The following LHPP variants were observed in gnomAD, a reference collection of about 807,000 sequenced individuals.
LHPP encodes hLHPP.
In LHPP, 24 loss-of-function variants were observed where a neutral mutation model predicts 30.3. The ratio of observed to expected loss-of-function variants is 0.79; its 90% CI spans 0.57 to 1.11. The LOEUF (loss-of-function observed/expected upper bound fraction) is 1.11, where lower values mean the gene tolerates loss of function less well. Ranked by LOEUF, LHPP falls within the 50% of genes most tolerant of loss-of-function variation. LHPP has a pLI of 0.00. For missense variants in LHPP, 356 were observed against 367.2 expected (o/e 0.97, Z 0.25); for synonymous variants, 150 against 157.1 (o/e 0.95, Z 0.34).
intron 6 of LHPP, among the ~76,000 whole-genome samples, chr10:124,586,211 C>T (rs533192771): frequency 1.1e-4 from 17 of 152,270 alleles, no homozygotes; most frequent in African/African-American, 4.1e-4. Context: ...CCACACCCAC[C>T]CTAGCAGCTG....
chr10:124,526,534 C>G (rs1954742442), intron 6 of LHPP, among the ~76,000 whole-genome samples: 1 of 152,212 alleles, frequency 6.6e-6, no homozygotes. Flanking sequence ...GTTGCTGGAG[C>G]TCTGAGCAGG....
chr10:124,576,159 CT>C lies in LHPP; in HGVS notation c.717-37103del, dbSNP rs1948656909. Among the ~76,000 whole-genome samples, 1 of 152,136 alleles carries C rather than the reference CT, an allele frequency of 6.6e-6. No individual in the cohort carries two copies. On this transcript the variant is annotated intron_variant, in intron 6 of 6. Coordinates refer to ENST00000368842, the MANE Select transcript of LHPP (RefSeq NM_022126.4). This position sits in a 1 kb window ranked among gnomAD's most constrained non-coding sequence, Gnocchi z 4.2. The stretch of plus-strand genomic sequence containing the variant: ...GGGCTTGATCAGCTGCTGAGGGTGA[CT>C]TCACATGAGATTATAATTGTACTGC...
rs1486464717 is a variant in LHPP at position 124,541,240 on chromosome 10, GA to G, written c.716+23970del. On this transcript the variant is annotated intron_variant, in intron 6 of 6. Coordinates refer to ENST00000368842, the MANE Select transcript of LHPP (RefSeq NM_022126.4). The surrounding 1 kb of genome is among the most constrained non-coding windows in gnomAD (Gnocchi z 4.2). ...CTGCCCCTGCACACTGTGCTTGGGG[GA>G]CACAGCCGACACGACCAGCCTGCAG... 6.6e-6 allele frequency among the ~76,000 whole-genome samples: 1 copy of G among 152,202 alleles called. No individual in the cohort carries two copies. Among genetic ancestry groups the G allele is most frequent in the East Asian group, 1.9e-4 (1 of 5,194 alleles).
intron 1 of LHPP, among the ~76,000 whole-genome samples, chr10:124,468,326 A>T (rs1952620900): frequency 6.6e-6 from 1 of 152,168 alleles, no homozygotes; most frequent in Admixed American, 6.5e-5. Context: ...TATACTGTAT[A>T]CATCTAACAG....
At chr10:124,479,917 G>A (rs974457339) in intron 1 of LHPP, among the ~76,000 whole-genome samples, 2 of 152,104 alleles carry the variant, frequency 1.3e-5, no homozygotes, top group Admixed American at 6.5e-5. Context: ...TCATAGGCTC[G>A]TTTACCCAGT....
At chr10:124,536,948 C>T (rs1027978886) in intron 6 of LHPP, among the ~76,000 whole-genome samples, 2 of 152,060 alleles carry the variant, frequency 1.3e-5, no homozygotes, top group East Asian at 1.9e-4. Context: ...GGCTCCCCGA[C>T]CTCTCCAGCA....
chr10:124,550,184 C>T (rs373348720), intron 6 of LHPP, among the ~76,000 whole-genome samples: 3 of 152,238 alleles, frequency 2.0e-5, no homozygotes, highest in South Asian at 2.1e-4. Flanking sequence ...CACTCCTTGC[C>T]GAGGGAGCCT....
At chr10:124,470,076 C>G (rs988304776) in intron 1 of LHPP, among the ~76,000 whole-genome samples, 1 of 152,192 alleles carries the variant, frequency 6.6e-6, no homozygotes, top group Non-Finnish European at 1.5e-5. Context: ...CATCTGTAAC[C>G]GGCCGTGTCC....
intron 6 of LHPP, among the ~76,000 whole-genome samples, chr10:124,535,475 C>T (rs1230007489): frequency 2.0e-5 from 3 of 152,176 alleles, no homozygotes; most frequent in Admixed American, 1.3e-4. Flanking sequence ...AATCATAGCT[C>T]ACTGCAGCCT....
intron 6 of LHPP, among the ~76,000 whole-genome samples, chr10:124,525,749 A>G (rs1031051506): frequency 3.3e-5 from 5 of 152,190 alleles, no homozygotes; most frequent in African/African-American, 1.2e-4. Context: ...CTGCTGGGGC[A>G]GGGGAGACAG....
At chr10:124,471,745 A>T (rs1185718961) in intron 1 of LHPP, among the ~76,000 whole-genome samples, 1 of 127,244 alleles carries the variant, frequency 7.9e-6, no homozygotes, top group Non-Finnish European at 1.6e-5. Flanking sequence ...ATTTGTATAT[A>T]TATTTGTATA....
intron 6 of LHPP, among the ~76,000 whole-genome samples, chr10:124,518,528 C>T (rs568579215): frequency 2.0e-5 from 3 of 152,378 alleles, no homozygotes; most frequent in East Asian, 1.9e-4. Flanking sequence ...CCCAGCCCGG[C>T]GCCCCATGCG....
intron 1 of LHPP, among the ~76,000 whole-genome samples, chr10:124,463,453 C>T (rs1952463961): frequency 2.0e-5 from 3 of 151,958 alleles, no homozygotes; most frequent in Admixed American, 2.0e-4. Context: ...ACCTCTGCCT[C>T]CCAGGTTCAA....
At chr10:124,551,889 C>T (rs1948174726) in intron 6 of LHPP, among the ~76,000 whole-genome samples, 1 of 152,038 alleles carries the variant, frequency 6.6e-6, no homozygotes, top group Non-Finnish European at 1.5e-5. Flanking sequence ...CCGCAGGCCC[C>T]CGGGTGGCAG....
intron 5 of LHPP, among the ~76,000 whole-genome samples, chr10:124,514,840 C>T (rs1180869645): frequency 2.0e-5 from 3 of 150,190 alleles, no homozygotes; most frequent in African/African-American, 7.4e-5. Flanking sequence ...CTTGCTCTGT[C>T]GCTCAGGCTG....
chr10:124,533,664 C>T (rs933219533), intron 6 of LHPP, among the ~76,000 whole-genome samples: 1 of 152,226 alleles, frequency 6.6e-6, no homozygotes, highest in African/African-American at 2.4e-5. Context: ...GTGGACAAAC[C>T]CCCCGTCCTC....
intron 6 of LHPP, among the ~76,000 whole-genome samples, chr10:124,552,788 GCCTA>G (rs1589858490): frequency 6.6e-6 from 1 of 152,344 alleles, no homozygotes; most frequent in East Asian, 1.9e-4. Flanking sequence ...CATTTCAATA[GCCTA>G]TCCTGGACAA....
chr10:124,574,935 G>A (rs960349664), intron 6 of LHPP, among the ~76,000 whole-genome samples: 2 of 152,126 alleles, frequency 1.3e-5, no homozygotes, highest in Non-Finnish European at 2.9e-5. Flanking sequence ...CCAGCCAGAT[G>A]ATGCTTCTCC....
chr10:124,581,728 C>A (rs1231381434), intron 6 of LHPP, among the ~76,000 whole-genome samples: 2 of 152,126 alleles, frequency 1.3e-5, no homozygotes, highest in East Asian at 1.9e-4. Flanking sequence ...AATGTCTATT[C>A]AAATTTTTTG....
Sources: allele counts gnomAD v4.1 joint callset (sites outside exome capture counted in the v4.1 genomes callset), GRCh38; gene constraint gnomAD v4.1.1; non-coding constraint Gnocchi (gnomAD v3.1); transcripts MANE v1.5; gene names NCBI Gene and HGNC (gene_info 2026-07-23, HGNC 2026-07-21).